The following FOXRED1 variants were observed in gnomAD, a reference collection of about 807,000 sequenced individuals.
The protein encoded by FOXRED1 is FAD-dependent oxidoreductase domain-containing protein 1.
Under a neutral mutation model 57.8 loss-of-function variants are expected in FOXRED1, and 52 were observed. That is an observed-to-expected ratio of 0.90 (90% CI 0.72 to 1.13). FOXRED1 has a LOEUF of 1.13. Among genes scored for constraint, FOXRED1 ranks in the 50% most tolerant of loss-of-function variants. FOXRED1 has a pLI of 0.00. For missense variants in FOXRED1, 589 were observed against 625.2 expected, an observed-to-expected ratio of 0.94 and a Z score of 0.62; for synonymous variants, 271 against 248.3, an observed-to-expected ratio of 1.09 and a Z score of -0.86.
rs1235739566 is a variant in FOXRED1, at chr11:126,274,974, AC to A, written c.585del (p.Asn195LysfsTer6). The A allele has an allele frequency of 6.2e-7, 1 of 1,613,770 alleles. No individual in the cohort carries two copies. The highest frequency in any genetic ancestry group is 8.5e-7 in the Non-Finnish European group (1 of 1,179,806). ...VSLMSPDQLR[N>X]KFPWINTEGV... ...CTGATGTCTCCTGATCAGCTTCGGAACAAGTTTCCCTGGATAAACACAGAGG... is the reference window on the plus strand; with the variant it reads ...CTGATGTCTCCTGATCAGCTTCGGAAAAGTTTCCCTGGATAAACACAGAGG... On this transcript the variant is annotated frameshift_variant, in exon 5 of 11. Coordinates refer to ENST00000263578, the MANE Select transcript of FOXRED1 (RefSeq NM_017547.4). LOFTEE classifies it high-confidence loss of function. This position sits in a 1 kb window ranked among gnomAD's most constrained non-coding sequence, Gnocchi z 4.8.
chr11:126,276,866 A>C, intron 9 of FOXRED1: 1 of 554,782 alleles, frequency 1.8e-6, no homozygotes, highest in Non-Finnish European at 3.2e-6. Flanking sequence ...ACAAGAGCAA[A>C]ACTCCATCTC....
At position 126,272,611 on chromosome 11, in the gene FOXRED1, TC is replaced by T. The variant is rs749199832; in HGVS notation, c.307-356del. 4.7e-5 allele frequency: 17 copies of T among 362,216 alleles called. No individual in the cohort carries two copies. Among genetic ancestry groups the T allele is most frequent in the Non-Finnish European group, 6.3e-5 (12 of 189,340 alleles). The allele number at this position is 362,216 out of a possible 1,614,324, so 22.4% of individuals were successfully genotyped here. ...CGGCTGGTTTTTACACTTTAGGTGT[TC>T]CTGTTTGCATTGCCAGCTAGCCACG... is the stretch of plus-strand genomic sequence containing the variant. On this transcript the variant is annotated intron_variant, in intron 2 of 10. Transcript: ENST00000263578. This position sits in a 1 kb window ranked among gnomAD's most constrained non-coding sequence, Gnocchi z 4.6.
At chr11:126,270,570 C>T (rs903997808) in intron 1 of FOXRED1, among the ~76,000 whole-genome samples, 1 of 152,106 alleles carries the variant, frequency 6.6e-6, no homozygotes, top group Non-Finnish European at 1.5e-5. Flanking sequence ...AAGCAGAGAG[C>T]ATATGTAGGT....
chr11:126,269,218 G>C lies in FOXRED1; in HGVS notation c.12G>C (p.Arg4Ser). 1.9e-6 allele frequency: 3 copies of C among 1,613,744 alleles called. No homozygotes were observed. The highest frequency in any genetic ancestry group is 2.5e-6 in the Non-Finnish European group (3 of 1,179,750). MIR[R>S]VLPHGMGRGL... ...GGCTCAGAGGGGTTATGATTCGGAG[G>C]GTTCTGCCGCACGGCATGGGCCGGG... Residue 4 changes from arginine to serine, a missense_variant, in exon 1 of 11, where the codon AGG becomes AGC. Transcript: ENST00000263578.
At chr11:126,269,352 T>C (rs1458161611) in intron 1 of FOXRED1, 61 bp downstream of exon 1, 2 of 1,613,378 alleles carry the variant, frequency 1.2e-6, no homozygotes, top group South Asian at 2.2e-5. Flanking sequence ...TCCGACTGTG[T>C]GTCCTTCAGG....
In FOXRED1 at chr11:126,276,116, G is replaced by GA; in HGVS notation, c.868_869insA (p.Ala290AspfsTer68). The GA allele has an allele frequency of 6.2e-7, 1 of 1,612,720 alleles. No homozygotes were observed. The highest frequency in any genetic ancestry group is 2.2e-5 in the East Asian group (1 of 44,796). The stretch of plus-strand genomic sequence containing the variant: ...TGTGGAATGCGCCATTGTGATCAAC[G>GA]CAGCCGGAGCCTGGTCTGCGCAAAT... On this transcript the variant is annotated frameshift_variant, in exon 8 of 11. Transcript: ENST00000263578. LOFTEE classifies it high-confidence loss of function.
intron 8 of FOXRED1, 53 bp downstream of exon 8, chr11:126,276,272 T>G: frequency 2.5e-5 from 3 of 119,630 alleles, no homozygotes; most frequent in Non-Finnish European, 3.6e-5. Context: ...AGAAATGACA[T>G]CGAAGTTGGA....
At position 126,277,125 on chromosome 11, in the gene FOXRED1, A is replaced by G. The variant is rs778383756; in HGVS notation, c.1156A>G (p.Lys386Glu). The change falls in exon 10 of 11, where the codon AAG becomes GAG. Residue 386 changes from lysine (K) to glutamate (E), a missense_variant. Coordinates refer to ENST00000263578, the MANE Select transcript of FOXRED1 (RefSeq NM_017547.4). The surrounding 1 kb of genome is among the most constrained non-coding windows in gnomAD (Gnocchi z 6.8). ...AGTGGACCATGATTTCTTCCAGGAC[A>G]AGGTGTGGCCCCATTTGGCCCTGAG... ...LEVDHDFFQD[K>E]VWPHLALRVP... The G allele has an allele frequency of 6.2e-7, 1 of 1,613,704 alleles. No individual in the cohort carries two copies. The highest frequency in any genetic ancestry group is 8.5e-7 in the Non-Finnish European group (1 of 1,179,890).
At chr11:126,276,971 A>G (rs772638795) in intron 9 of FOXRED1, 100 bp from the exon 10 acceptor site, 1 of 801,534 alleles carries the variant, frequency 1.2e-6, no homozygotes, top group Non-Finnish European at 2.3e-6. Flanking sequence ...AACTGGGACC[A>G]TTTCTCCCCA....
At position 126,275,264 on chromosome 11, in the gene FOXRED1, G is replaced by A; in HGVS notation, c.632-63G>A. 11 of 1,260,750 alleles carry A rather than the reference G, an allele frequency of 8.7e-6. No homozygotes were observed. The highest frequency in any genetic ancestry group is 1.3e-5 in the Non-Finnish European group (11 of 858,326). 78.1% of individuals were successfully genotyped at this position (1,260,750 alleles called of 1,614,324 possible). Reference sequence around the variant, plus strand: ...CCTAGAGAGGGGTTGGGGGGCACAGGAAATACAATCCAAGAGCAGAAGTCC... The same window carrying A: ...CCTAGAGAGGGGTTGGGGGGCACAGAAAATACAATCCAAGAGCAGAAGTCC... On this transcript the variant is annotated intron_variant, in intron 5 of 10. Transcript: ENST00000263578. The surrounding 1 kb of genome is among the most constrained non-coding windows in gnomAD (Gnocchi z 5.9).
In FOXRED1 at chr11:126,277,862, C is replaced by A. The variant is rs1478624812; in HGVS notation, c.*173C>A. The A allele has an allele frequency of 1.9e-5, 14 of 742,800 alleles. No homozygotes were observed. The highest frequency in any genetic ancestry group is 3.1e-5 in the Non-Finnish European group (13 of 420,798). 46.0% of individuals were successfully genotyped at this position (742,800 alleles called of 1,614,324 possible). ...GGCTGGGCAGGCACAGGCAGTGAGG[C>A]CGAGGCCAATAGCGAGTGATGAGCG... On this transcript the variant is annotated 3_prime_UTR_variant, in exon 11 of 11. Coordinates refer to ENST00000263578, the MANE Select transcript of FOXRED1 (RefSeq NM_017547.4). The surrounding 1 kb of genome is among the most constrained non-coding windows in gnomAD (Gnocchi z 6.8).
chr11:126,271,948 T>G lies in FOXRED1; in HGVS notation c.306+291T>G. 1 of 381,162 alleles carries G rather than the reference T, an allele frequency of 2.6e-6. No individual in the cohort carries two copies. Among genetic ancestry groups the G allele is most frequent in the Non-Finnish European group, 5.0e-6 (1 of 201,434 alleles). The allele number at this position is 381,162 out of a possible 1,614,324, so 23.6% of individuals were successfully genotyped here. A position where few individuals can be genotyped will look rare whatever the true frequency, so the allele number is the denominator to read the frequency against. On this transcript the variant is annotated intron_variant, in intron 2 of 10. Coordinates refer to ENST00000263578, the MANE Select transcript of FOXRED1 (RefSeq NM_017547.4). The surrounding 1 kb of genome is among the most constrained non-coding windows in gnomAD (Gnocchi z 5.3). ...AGCCTGCATTCAAGCTATAATTAAG[T>G]GTCTCAATTTTCTCTTTTTTTTTTT... is the stretch of plus-strand genomic sequence containing the variant.
In FOXRED1 at chr11:126,277,577, G is replaced by A. The variant is rs146228164; in HGVS notation, c.1349G>A (p.Arg450Gln). The change falls in exon 11 of 11, where the codon CGA becomes CAA. Residue 450 changes from arginine to glutamine, a missense_variant. Transcript: ENST00000263578. This position sits in a 1 kb window ranked among gnomAD's most constrained non-coding sequence, Gnocchi z 6.8. ...HGLQQAPGIGRAVAEMVLKGR... is the reference protein window; with the variant it reads ...HGLQQAPGIGQAVAEMVLKGR... ...CTCCAGCAGGCCCCTGGCATTGGGC[G>A]AGCTGTAGCAGAGATGGTACTGAAG... 4.3e-6 allele frequency: 7 copies of A among 1,613,752 alleles called. No homozygotes were observed. The highest frequency in any genetic ancestry group is 1.7e-5 in the Admixed American group (1 of 60,020).
intron 1 of FOXRED1, 22 bp downstream of exon 1, chr11:126,269,313 G>T: frequency 1.2e-6 from 2 of 1,614,004 alleles, no homozygotes; most frequent in Non-Finnish European, 1.7e-6. Flanking sequence ...GACGACAGAG[G>T]GTATTGTGGT....
At position 126,273,120 on chromosome 11, in the gene FOXRED1, T is replaced by G. The variant is rs1951036222; in HGVS notation, c.417+41T>G. 1 of 1,206,954 alleles carries G rather than the reference T, an allele frequency of 8.3e-7. No homozygotes were observed. Among genetic ancestry groups the G allele is most frequent in the Non-Finnish European group, 1.2e-6 (1 of 808,054 alleles). 74.8% of individuals were successfully genotyped at this position (1,206,954 alleles called of 1,614,324 possible). A position where few individuals can be genotyped will look rare whatever the true frequency, so the allele number is the denominator to read the frequency against. ...TCCGGGATGTTGGGGTGGTTACCCC[T>G]CCTTTAGCCCAGAGTGGGGAGCAGC... On this transcript the variant is annotated intron_variant, in intron 3 of 10. Coordinates refer to ENST00000263578, the MANE Select transcript of FOXRED1 (RefSeq NM_017547.4). The surrounding 1 kb of genome is among the most constrained non-coding windows in gnomAD (Gnocchi z 5.9).
At position 126,274,971 on chromosome 11, in the gene FOXRED1, G is replaced by A; in HGVS notation, c.581G>A (p.Arg194Gln). ...TCTCTGATGTCTCCTGATCAGCTTC[G>A]GAACAAGTTTCCCTGGATAAACACA... ...KVSLMSPDQL[R>Q]NKFPWINTEG... Residue 194 changes from arginine (R) to glutamine (Q), a missense_variant, in exon 5 of 11, where the codon CGG (arginine) becomes CAG (glutamine). Arg to Gln is a conservative substitution (Grantham distance 43, BLOSUM62 1). Transcript: ENST00000263578. The surrounding 1 kb of genome is among the most constrained non-coding windows in gnomAD (Gnocchi z 4.8). 1.9e-6 allele frequency: 3 copies of A among 1,613,814 alleles called. No individual in the cohort carries two copies. Among genetic ancestry groups the A allele is most frequent in the Non-Finnish European group, 2.5e-6 (3 of 1,179,768 alleles).
At chr11:126,276,979 C>G in intron 9 of FOXRED1, 92 bp from the exon 10 acceptor site, 1 of 827,518 alleles carries the variant, frequency 1.2e-6, no homozygotes, top group East Asian at 2.4e-5. Context: ...CCATTTCTCC[C>G]CATCCCCTAC....
rs1951085317 is a variant in FOXRED1 at position 126,274,815 on chromosome 11, G to A, written c.537-112G>A. 6 of 781,022 alleles carry A rather than the reference G, an allele frequency of 7.7e-6. No individual in the cohort carries two copies. The highest frequency in any genetic ancestry group is 1.7e-5 in the African/African-American group (1 of 59,114). The allele number at this position is 781,022 out of a possible 1,614,324, so 48.4% of individuals were successfully genotyped here. ...GAAAAATAGGGGCATTTGGGGCAGA[G>A]AAGTGACATGACTGAGCTGGACTCC... On this transcript the variant is annotated intron_variant, in intron 4 of 10. Transcript: ENST00000263578. This position sits in a 1 kb window ranked among gnomAD's most constrained non-coding sequence, Gnocchi z 4.8.
chr11:126,270,133 T>C (rs930551606), intron 1 of FOXRED1, among the ~76,000 whole-genome samples: 2 of 152,154 alleles, frequency 1.3e-5, no homozygotes, highest in African/African-American at 4.8e-5. Context: ...AGGTGTGTGT[T>C]CCAGTCTCTA....
Sources: allele counts gnomAD v4.1 joint callset (sites outside exome capture counted in the v4.1 genomes callset), GRCh38; gene constraint gnomAD v4.1.1; non-coding constraint Gnocchi (gnomAD v3.1); transcripts MANE v1.5; gene names NCBI Gene and HGNC (gene_info 2026-07-23, HGNC 2026-07-21).